CNTNAP5: variants seen among roughly 807,000 people sequenced by gnomAD.
CNTNAP5 encodes the protein contactin associated protein family member 5.
CNTNAP5 carries 72 observed loss-of-function variants against 150.2 expected under a neutral mutation model. The observed-to-expected ratio is 0.48, with a 90% confidence interval of 0.40 to 0.58. The LOEUF is 0.58. CNTNAP5 is among the 20% of genes least tolerant of loss of function. The pLI is 0.00. For missense variants in CNTNAP5, 1,636 were observed against 1,626.2 expected (o/e 1.01, Z -0.10); for synonymous variants, 672 against 619.8 (o/e 1.08, Z -1.25).
intron 8 of CNTNAP5, among the ~76,000 whole-genome samples, chr2:124,517,706 G>A (rs1468359347): frequency 3.4e-5 from 5 of 148,800 alleles, no homozygotes; most frequent in Middle Eastern, 3.3e-3. Flanking sequence ...GGGTTGTGGT[G>A]GTGATGGGGG....
At chr2:124,243,772 C>A (rs1320888696) in intron 3 of CNTNAP5, among the ~76,000 whole-genome samples, 1 of 151,820 alleles carries the variant, frequency 6.6e-6, no homozygotes, top group African/African-American at 2.4e-5. Context: ...GCAATTTACC[C>A]ATGTAACAAA....
intron 3 of CNTNAP5, among the ~76,000 whole-genome samples, chr2:124,246,755 C>T (rs922180593): frequency 6.6e-5 from 10 of 152,120 alleles, no homozygotes; most frequent in African/African-American, 1.9e-4. Flanking sequence ...GTCTTCTGCC[C>T]TAATTCAATG....
intron 12 of CNTNAP5, among the ~76,000 whole-genome samples, chr2:124,628,632 A>G (rs1355042657): frequency 6.6e-6 from 1 of 152,176 alleles, no homozygotes; most frequent in Non-Finnish European, 1.5e-5. Context: ...ACACAGACCA[A>G]CAACACTACT....
chr2:124,241,827 G>C (rs542324340), intron 2 of CNTNAP5, among the ~76,000 whole-genome samples: 26 of 152,306 alleles, frequency 1.7e-4, no homozygotes, highest in African/African-American at 6.0e-4. Flanking sequence ...TAGTCAGAGA[G>C]AGAGAGAGAG....
intron 13 of CNTNAP5, among the ~76,000 whole-genome samples, chr2:124,651,704 A>G (rs762925311): frequency 2.0e-5 from 3 of 152,230 alleles, no homozygotes; most frequent in Non-Finnish European, 4.4e-5. Context: ...GATTTTGTAT[A>G]AATTTCCTTA....
At chr2:124,822,194 G>T (rs1450594970) in intron 19 of CNTNAP5, among the ~76,000 whole-genome samples, 2 of 152,050 alleles carry the variant, frequency 1.3e-5, no homozygotes, top group Non-Finnish European at 2.9e-5. Context: ...CATTTCCCTG[G>T]CCAATATTAG....
At chr2:124,494,210 T>G (rs1298534299) in intron 7 of CNTNAP5, among the ~76,000 whole-genome samples, 1 of 151,908 alleles carries the variant, frequency 6.6e-6, no homozygotes, top group Non-Finnish European at 1.5e-5. Context: ...ATAGCGTGAC[T>G]AACTCCAAGT....
chr2:124,392,687 CAAAAAAAAAAAA>C (rs35107442), intron 3 of CNTNAP5, among the ~76,000 whole-genome samples: 8 of 68,788 alleles, frequency 1.2e-4, no homozygotes, highest in East Asian at 5.3e-4. Flanking sequence ...TTTTCTTTGC[CAAAAAAAAAAAA>C]AAAAAAAAAA....
intron 13 of CNTNAP5, among the ~76,000 whole-genome samples, chr2:124,711,804 G>A (rs1210001124): frequency 6.6e-6 from 1 of 152,106 alleles, no homozygotes; most frequent in Non-Finnish European, 1.5e-5. Context: ...TAGTGTCACT[G>A]CGCTCCAGCA....
chr2:124,637,237 A>T (rs1677990081), intron 12 of CNTNAP5, among the ~76,000 whole-genome samples: 1 of 152,062 alleles, frequency 6.6e-6, no homozygotes, highest in Non-Finnish European at 1.5e-5. Context: ...ACCTCCTTTA[A>T]TCTGGAAGGC....
At chr2:124,484,493 T>C (rs1040512875) in intron 7 of CNTNAP5, among the ~76,000 whole-genome samples, 17 of 152,248 alleles carry the variant, frequency 1.1e-4, no homozygotes, top group African/African-American at 3.6e-4. Context: ...TCTGCTTCAG[T>C]GTCCTTCATC....
At chr2:124,638,523 T>C (rs556207696) in intron 12 of CNTNAP5, among the ~76,000 whole-genome samples, 1 of 152,216 alleles carries the variant, frequency 6.6e-6, no homozygotes, top group African/African-American at 2.4e-5. Context: ...TTTTAGTTTC[T>C]GATTAATATT....
intron 19 of CNTNAP5, among the ~76,000 whole-genome samples, chr2:124,820,134 C>A (rs1016778291): frequency 2.0e-5 from 3 of 152,126 alleles, no homozygotes; most frequent in Non-Finnish European, 4.4e-5. Context: ...TTACTACACA[C>A]CCAGAGTCAA....
intron 11 of CNTNAP5, among the ~76,000 whole-genome samples, chr2:124,564,959 T>A (rs10208941): frequency 0.016 from 2,484 of 152,284 alleles, 66 homozygotes; most frequent in African/African-American, 0.056. Context: ...GACAGTTCTC[T>A]CCGGTTTTTC....
At chr2:124,473,699 C>G (rs1241172861) in intron 6 of CNTNAP5, among the ~76,000 whole-genome samples, 2 of 151,898 alleles carry the variant, frequency 1.3e-5, no homozygotes, top group Non-Finnish European at 2.9e-5. Flanking sequence ...TACATGCTGA[C>G]AGTGATATTT....
chr2:124,825,445 G>A (rs921033598), intron 19 of CNTNAP5, among the ~76,000 whole-genome samples: 4 of 152,148 alleles, frequency 2.6e-5, no homozygotes, highest in Non-Finnish European at 4.4e-5. Context: ...ACAATAACAA[G>A]ACAAAGCTAT....
In CNTNAP5 at chr2:124,563,314, T is replaced by C; in HGVS notation, c.1747T>C (p.Cys583Arg). The change falls in exon 11 of 24, where the codon TGC (cysteine) becomes CGC (arginine). Residue 583 changes from cysteine (C) to arginine (R), a missense_variant. By Grantham distance (180) the Cys-to-Arg change is radical. Transcript: ENST00000682447. Reference sequence around the variant, plus strand: ...TGACACAAGTTACACTGGTGCCACCTGCCACAACTGTGAGTAGATTGATCA... The same window carrying C: ...TGACACAAGTTACACTGGTGCCACCCGCCACAACTGTGAGTAGATTGATCA... ...CSDTSYTGAT[C>R]HNSIYEQSCE... 2 of 1,556,410 alleles carry C rather than the reference T, an allele frequency of 1.3e-6. No individual in the cohort carries two copies. The highest frequency in any genetic ancestry group is 1.9e-5 in the Admixed American group (1 of 51,952).
At chr2:124,294,024 G>C (rs1230959078) in intron 3 of CNTNAP5, among the ~76,000 whole-genome samples, 1 of 152,184 alleles carries the variant, frequency 6.6e-6, no homozygotes, top group Admixed American at 6.5e-5. Flanking sequence ...CTGTGAAGTT[G>C]ATCCCAGGAT....
chr2:124,676,417 T>C (rs1678941164), intron 13 of CNTNAP5, among the ~76,000 whole-genome samples: 1 of 152,230 alleles, frequency 6.6e-6, no homozygotes, highest in Non-Finnish European at 1.5e-5. Context: ...TCCCCAATTT[T>C]TCCTTTAACA....
Sources: gnomAD v4.1 joint callset for allele counts (sites outside exome capture counted in the v4.1 genomes callset) on GRCh38, gnomAD v4.1.1 for gene constraint, MANE v1.5 for transcripts, NCBI Gene and HGNC (gene_info 2026-07-23, HGNC 2026-07-21) for gene names.